Variants in ERN1 observed in about 807,000 individuals in gnomAD.
ERN1 encodes endoplasmic reticulum to nucleus signaling 1.
A neutral mutation model predicts 113.1 loss-of-function variants in ERN1; 39 were observed. That is an observed-to-expected ratio of 0.34 (90% CI 0.27 to 0.45). The LOEUF is 0.45. ERN1 is among the 20% of genes least tolerant of loss of function. The pLI is 1.00. For synonymous variants in ERN1, 507 were observed against 515.9 expected (o/e 0.98, Z 0.23); for missense variants, 976 against 1,274.8 (o/e 0.77, Z 3.57).
chr17:64,070,796 C>A (rs1390709387), intron 6 of ERN1, among the ~76,000 whole-genome samples: 1 of 152,118 alleles, frequency 6.6e-6, no homozygotes, highest in Admixed American at 6.5e-5. Context: ...CTCCTTTTAG[C>A]TTTAAGTATC....
At chr17:64,098,870 CAA>C (rs1248032413) in intron 1 of ERN1, among the ~76,000 whole-genome samples, 1 of 151,518 alleles carries the variant, frequency 6.6e-6, no homozygotes, top group South Asian at 2.1e-4. Flanking sequence ...TAAAACAAAA[CAA>C]AAAAAATTTT....
chr17:64,054,630 AG>A lies in ERN1; in HGVS notation c.1763+107del. On this transcript the variant is annotated intron_variant, in intron 14 of 21. Coordinates refer to ENST00000433197, the MANE Select transcript of ERN1 (RefSeq NM_001433.5). This position sits in a 1 kb window ranked among gnomAD's most constrained non-coding sequence, Gnocchi z 4.9. ...CCTGGAGGCCGGACTCCATGCGTCT[AG>A]GTCACTGCTTTGACCCTGCTGTGCT... 2 of 1,014,814 alleles carry A rather than the reference AG, an allele frequency of 2.0e-6. No individual in the cohort carries two copies. Among genetic ancestry groups the A allele is most frequent in the Non-Finnish European group, 2.9e-6 (2 of 688,248 alleles). 62.9% of individuals were successfully genotyped at this position (1,014,814 alleles called of 1,614,324 possible).
intron 1 of ERN1, among the ~76,000 whole-genome samples, chr17:64,111,149 G>A (rs574324427): frequency 6.6e-6 from 1 of 152,208 alleles, no homozygotes; most frequent in East Asian, 1.9e-4. Context: ...TTTTTTAAAA[G>A]TTTGTTTTTA....
chr17:64,087,846 G>A (rs970783564), intron 2 of ERN1, among the ~76,000 whole-genome samples: 1 of 152,146 alleles, frequency 6.6e-6, no homozygotes, highest in Non-Finnish European at 1.5e-5. Context: ...GAGACTGAAG[G>A]GAAACCCAAG....
intron 12 of ERN1, among the ~76,000 whole-genome samples, chr17:64,057,508 A>G (rs1912910731): frequency 6.6e-6 from 1 of 152,144 alleles, no homozygotes; most frequent in African/African-American, 2.4e-5. Flanking sequence ...GGCTGGGACT[A>G]CAGGCCCCTG....
At chr17:64,115,499 C>G (rs779091224) in intron 1 of ERN1, among the ~76,000 whole-genome samples, 1 of 152,262 alleles carries the variant, frequency 6.6e-6, no homozygotes, top group Non-Finnish European at 1.5e-5. Context: ...CCGAACTTCC[C>G]GAAAGCTGAC....
At chr17:64,084,209 T>G (rs1327904088) in intron 2 of ERN1, among the ~76,000 whole-genome samples, 1 of 152,120 alleles carries the variant, frequency 6.6e-6, no homozygotes, top group Non-Finnish European at 1.5e-5. Context: ...GACTACCGTA[T>G]TTTATTAACA....
At chr17:64,078,835 T>G (rs115472292) in intron 4 of ERN1, among the ~76,000 whole-genome samples, 1 of 152,068 alleles carries the variant, frequency 6.6e-6, no homozygotes, top group Admixed American at 6.6e-5. Context: ...TGAAACCCCA[T>G]TTCTACCAAA....
Position 64,098,170 on chromosome 17 carries a change from C to G in ERN1, c.126G>C (p.Leu42Phe). Residue 42 changes from leucine to phenylalanine, a missense_variant, in exon 2 of 22, where the codon TTG (leucine) becomes TTC (phenylalanine). Transcript: ENST00000433197. ...LLFVSTLDGSLHAVSKRTGSI... is the reference protein window; with the variant it reads ...LLFVSTLDGSFHAVSKRTGSI... ...AGCCTGTCCTCTTGCTGACAGCATG[C>G]AAACTTCCATCCAGCGTTGACACAA... 2 of 1,613,992 alleles carry G rather than the reference C, an allele frequency of 1.2e-6. No individual in the cohort carries two copies. Among genetic ancestry groups the G allele is most frequent in the Non-Finnish European group, 1.7e-6 (2 of 1,179,880 alleles).
At chr17:64,089,610 A>C (rs1914033904) in intron 2 of ERN1, among the ~76,000 whole-genome samples, 1 of 152,196 alleles carries the variant, frequency 6.6e-6, no homozygotes. Flanking sequence ...TCTGAAGGCA[A>C]GTTAGACAGG....
chr17:64,088,018 G>A (rs1376437258), intron 2 of ERN1, among the ~76,000 whole-genome samples: 1 of 152,208 alleles, frequency 6.6e-6, no homozygotes, highest in Admixed American at 6.5e-5. Context: ...TTTCAAACCA[G>A]ACTTCGAGAT....
chr17:64,127,922 T>C (rs1915122842), intron 1 of ERN1, among the ~76,000 whole-genome samples: 2 of 152,108 alleles, frequency 1.3e-5, no homozygotes, highest in Middle Eastern at 3.2e-3. Flanking sequence ...ATGAGTTTCA[T>C]TTACAATTTT....
intron 1 of ERN1, among the ~76,000 whole-genome samples, chr17:64,118,465 T>C (rs62073084): frequency 6.6e-6 from 1 of 152,234 alleles, no homozygotes; most frequent in Non-Finnish European, 1.5e-5. Context: ...GGATTTCCTT[T>C]AAGCATTAAG....
chr17:64,039,156 C>T lies in ERN1; in HGVS notation c.*4832G>A, dbSNP rs1435869808. On this transcript the variant is annotated 3_prime_UTR_variant, in exon 22 of 22. Coordinates refer to ENST00000433197, the MANE Select transcript of ERN1 (RefSeq NM_001433.5). ...ATGAGACTGACTCCAAAATCTAAAA[C>T]TACCTTTATTGTGGTTGGCTCGACA... 1 of 152,196 alleles carries T rather than the reference C, an allele frequency of 6.6e-6. No individual in the cohort carries two copies. The allele number at this position is 152,196 out of a possible 1,614,324, so 9.4% of individuals were successfully genotyped here. A position where few individuals can be genotyped will look rare whatever the true frequency, so the allele number is the denominator to read the frequency against.
At chr17:64,071,679 C>T in intron 6 of ERN1, among the ~76,000 whole-genome samples, 1 of 152,180 alleles carries the variant, frequency 6.6e-6, no homozygotes, top group East Asian at 1.9e-4. Context: ...GCCTCGGCCT[C>T]CCAAAGTACT....
At chr17:64,111,653 G>A (rs1204551673) in intron 1 of ERN1, among the ~76,000 whole-genome samples, 1 of 152,106 alleles carries the variant, frequency 6.6e-6, no homozygotes, top group African/African-American at 2.4e-5. Flanking sequence ...CATCGCGCCC[G>A]GCCAGGTCAT....
intron 17 of ERN1, among the ~76,000 whole-genome samples, chr17:64,050,221 G>A (rs1912639567): frequency 6.6e-6 from 1 of 152,106 alleles, no homozygotes; most frequent in African/African-American, 2.4e-5. Context: ...GAAGGTGCTG[G>A]ATTCGGGACA....
chr17:64,070,107 G>A (rs1386095393), intron 6 of ERN1, among the ~76,000 whole-genome samples: 1 of 152,190 alleles, frequency 6.6e-6, no homozygotes. Flanking sequence ...CCAGACCTTA[G>A]GAGGCACTGT....
intron 1 of ERN1, among the ~76,000 whole-genome samples, chr17:64,113,951 G>C (rs1598088144): frequency 6.6e-6 from 1 of 151,734 alleles, no homozygotes; most frequent in South Asian, 2.1e-4. Context: ...CAAAGTGCTG[G>C]GATTACCGGC....
Sources: gnomAD v4.1 joint callset for allele counts (sites outside exome capture counted in the v4.1 genomes callset) on GRCh38, gnomAD v4.1.1 for gene constraint, Gnocchi (gnomAD v3.1) non-coding constraint, MANE v1.5 for transcripts, NCBI Gene and HGNC (gene_info 2026-07-23, HGNC 2026-07-21) for gene names.